The following PUM2 variants were observed in gnomAD, a reference collection of about 807,000 sequenced individuals.
The protein encoded by PUM2 is pumilio RNA binding family member 2.
Under a neutral mutation model 124.5 loss-of-function variants are expected in PUM2, and 57 were observed. That is an observed-to-expected ratio of 0.46 (90% CI 0.37 to 0.57). The LOEUF is 0.57. Ranked by LOEUF, PUM2 falls within the 20% of genes least tolerant of loss-of-function variation. The pLI is 0.00. For missense variants in PUM2, 1,065 were observed against 1,290.6 expected, an observed-to-expected ratio of 0.83 and a Z score of 2.68; for synonymous variants, 460 against 446.1, an observed-to-expected ratio of 1.03 and a Z score of -0.39.
chr2:20,289,431 A>T (rs1673490200), intron 10 of PUM2, among the ~76,000 whole-genome samples: 1 of 152,214 alleles, frequency 6.6e-6, no homozygotes, highest in Non-Finnish European at 1.5e-5. Context: ...CATGTGCCTA[A>T]AACAACTTCA....
At chr2:20,342,901 T>C (rs1369337049) in intron 1 of PUM2, among the ~76,000 whole-genome samples, 1 of 152,130 alleles carries the variant, frequency 6.6e-6, no homozygotes, top group Non-Finnish European at 1.5e-5. Context: ...CCACCAAACA[T>C]CTAGGTAGAA....
At chr2:20,254,811 AAGT>A (rs1664373025) in intron 19 of PUM2, 49 bp downstream of exon 19, 1 of 1,565,010 alleles carries the variant, frequency 6.4e-7, no homozygotes, top group African/African-American at 1.4e-5. Context: ...TAACTAATAA[AAGT>A]CAATGAGTTG....
At chr2:20,301,592 T>TC (rs1046343165) in intron 7 of PUM2, among the ~76,000 whole-genome samples, 2 of 152,048 alleles carry the variant, frequency 1.3e-5, no homozygotes, top group African/African-American at 4.8e-5. Flanking sequence ...ACCTAGCTCA[T>TC]CCTTTTTTTT....
At chr2:20,260,076 T>C (rs1665805292) in intron 15 of PUM2, among the ~76,000 whole-genome samples, 1 of 152,216 alleles carries the variant, frequency 6.6e-6, no homozygotes, top group South Asian at 2.1e-4. Flanking sequence ...GCCTTTTGTA[T>C]TATTTTACAT....
At chr2:20,313,819 G>C (rs1445580052) in intron 3 of PUM2, among the ~76,000 whole-genome samples, 1 of 125,324 alleles carries the variant, frequency 8.0e-6, no homozygotes, top group Non-Finnish European at 1.6e-5. Context: ...CTGGGTGACA[G>C]AGTGAGATCC....
chr2:20,303,026 C>T (rs1311067430), intron 7 of PUM2, among the ~76,000 whole-genome samples: 1 of 152,196 alleles, frequency 6.6e-6, no homozygotes, highest in Non-Finnish European at 1.5e-5. Flanking sequence ...CAGGCCTCCC[C>T]TTTTCTTCCA....
chr2:20,325,510 T>A lies in PUM2; in HGVS notation c.51+1800A>T, dbSNP rs563228824. 1.1e-4 allele frequency among the ~76,000 whole-genome samples: 17 copies of A among 152,290 alleles called. No homozygotes were observed. In the South Asian group the frequency reaches 3.5e-3, roughly 32 times the overall value. ...TCTGCAAAGATAACTTTAAAATTAT[T>A]AAATATTATTTAGAAAGAGTGAAAA... On this transcript the variant is annotated intron_variant, in intron 2 of 20. Coordinates refer to ENST00000361078, the MANE Select transcript of PUM2 (RefSeq NM_015317.5).
At position 20,323,231 on chromosome 2, in the gene PUM2, G is replaced by A. The variant is rs538292542; in HGVS notation, c.51+4079C>T. On this transcript the variant is annotated intron_variant, in intron 2 of 20. Coordinates refer to ENST00000361078, the MANE Select transcript of PUM2 (RefSeq NM_015317.5). ...TGGGAGGCCGAAGTGGGCGGACCACGAGGTCAGGAAATTGAGATCATCCTG... is the reference window on the plus strand; with the variant it reads ...TGGGAGGCCGAAGTGGGCGGACCACAAGGTCAGGAAATTGAGATCATCCTG... 1.6e-4 allele frequency among the ~76,000 whole-genome samples: 24 copies of A among 152,164 alleles called. 1 individual carries two copies. The highest frequency in any genetic ancestry group is 1.5e-3 in the South Asian group (7 of 4,826).
intron 20 of PUM2, among the ~76,000 whole-genome samples, chr2:20,253,355 A>T (rs1412616772): frequency 6.6e-6 from 1 of 152,140 alleles, no homozygotes; most frequent in Non-Finnish European, 1.5e-5. Flanking sequence ...ACAGGCATGT[A>T]TCGTCATACC....
At chr2:20,342,700 T>C (rs1255057746) in intron 1 of PUM2, among the ~76,000 whole-genome samples, 5 of 152,226 alleles carry the variant, frequency 3.3e-5, no homozygotes, top group Admixed American at 1.3e-4. Flanking sequence ...CTAAGAAATA[T>C]ATATGAATTG....
intron 13 of PUM2, among the ~76,000 whole-genome samples, chr2:20,269,070 A>T (rs969374143): frequency 1.3e-5 from 2 of 152,154 alleles, no homozygotes; most frequent in Admixed American, 6.5e-5. Flanking sequence ...TGTCTAAAAA[A>T]TTCATGTAAA....
At chr2:20,331,130 G>T (rs548352760) in intron 1 of PUM2, among the ~76,000 whole-genome samples, 15 of 133,836 alleles carry the variant, frequency 1.1e-4, no homozygotes, top group African/African-American at 3.6e-4. Flanking sequence ...CTTGGGGAGA[G>T]GAAAAAAAAA....
At chr2:20,317,758 CCTGTGTTCTCGTCAT>C (rs1285652096) in intron 3 of PUM2, among the ~76,000 whole-genome samples, 1 of 152,008 alleles carries the variant, frequency 6.6e-6, no homozygotes, top group Non-Finnish European at 1.5e-5. Flanking sequence ...TCTTTGTGTC[CCTGTGTTCTCGTCAT>C]AAGTGAGAAC....
chr2:20,306,055 A>C (rs1678192110), intron 7 of PUM2, among the ~76,000 whole-genome samples: 1 of 152,058 alleles, frequency 6.6e-6, no homozygotes, highest in East Asian at 1.9e-4. Flanking sequence ...TCTACAAAAA[A>C]TTTGCCAGGT....
At chr2:20,311,768 G>C in intron 4 of PUM2, 105 bp from the exon 5 acceptor site, 1 of 1,158,402 alleles carries the variant, frequency 8.6e-7, no homozygotes, top group Non-Finnish European at 1.2e-6. Context: ...AACAATAAAA[G>C]CATTGAATCT....
At chr2:20,282,442 C>T (rs1321789451) in intron 12 of PUM2, among the ~76,000 whole-genome samples, 1 of 152,164 alleles carries the variant, frequency 6.6e-6, no homozygotes, top group Non-Finnish European at 1.5e-5. Context: ...CTGTGTAGAA[C>T]ATTTCAGTAT....
At chr2:20,292,530 G>A (rs1365611247) in intron 9 of PUM2, among the ~76,000 whole-genome samples, 4 of 152,032 alleles carry the variant, frequency 2.6e-5, no homozygotes, top group African/African-American at 4.8e-5. Context: ...GCTTGGCTAA[G>A]TTTTTGTATT....
At chr2:20,267,133 CT>C (rs755551793) in intron 13 of PUM2, among the ~76,000 whole-genome samples, 16 of 151,870 alleles carry the variant, frequency 1.1e-4, no homozygotes, top group Non-Finnish European at 2.4e-4. Context: ...AGTGATTCTC[CT>C]GCCTCAGCCT....
At chr2:20,277,496 CAG>C (rs565101176) in intron 13 of PUM2, among the ~76,000 whole-genome samples, 146 of 152,174 alleles carry the variant, frequency 9.6e-4, no homozygotes, top group Non-Finnish European at 1.7e-3. Flanking sequence ...GGTGGAAGAC[CAG>C]AGTCTTTAAA....
Sources: gnomAD v4.1 joint callset for allele counts (sites outside exome capture counted in the v4.1 genomes callset) on GRCh38, gnomAD v4.1.1 for gene constraint, MANE v1.5 for transcripts, NCBI Gene and HGNC (gene_info 2026-07-23, HGNC 2026-07-21) for gene names.